Variants in DNAH6 observed in about 807,000 individuals in gnomAD.
DNAH6 encodes the protein axonemal beta dynein heavy chain 6.
Under a neutral mutation model 491.4 loss-of-function variants are expected in DNAH6, and 340 were observed. The observed-to-expected ratio is 0.69, with a 90% CI of 0.63 to 0.76. The LOEUF (loss-of-function observed/expected upper bound fraction) is 0.76. DNAH6 is among the 30% of genes least tolerant of loss of function. The pLI, the probability that DNAH6 is intolerant of heterozygous loss-of-function variation, is 0.00. For synonymous variants in DNAH6, 1,603 were observed against 1,686.1 expected, an observed-to-expected ratio of 0.95 and a Z score of 1.21; for missense variants, 4,443 against 4,972.2, an observed-to-expected ratio of 0.89 and a Z score of 3.20.
chr2:84,643,834 G>A (rs1038233249), intron 33 of DNAH6, among the ~76,000 whole-genome samples: 2 of 151,574 alleles, frequency 1.3e-5, no homozygotes, highest in African/African-American at 4.9e-5. Context: ...CTAAATCCCT[G>A]TCTGATAATT....
At chr2:84,731,321 T>C (rs1164154325) in intron 61 of DNAH6, among the ~76,000 whole-genome samples, 1 of 152,234 alleles carries the variant, frequency 6.6e-6, no homozygotes, top group Non-Finnish European at 1.5e-5. Flanking sequence ...CTGCTGAAGA[T>C]AAGTCCCAGT....
Position 84,694,418 on chromosome 2 carries a change from A to G in DNAH6, c.7462A>G (p.Lys2488Glu). The G allele has an allele frequency of 6.4e-7, 1 of 1,552,258 alleles. No individual in the cohort carries two copies. The highest frequency in any genetic ancestry group is 8.7e-7 in the Non-Finnish European group (1 of 1,147,120). Residue 2488 changes from lysine (K) to glutamate (E), a missense_variant, in exon 46 of 77, where the codon AAG becomes GAG. Lys to Glu is a moderately conservative substitution (Grantham distance 56). Transcript: ENST00000389394. ...NYDSFHEDLR[K>E]LYKMAGVEDK... Reference sequence around the variant, plus strand: ...TGATAGTTTTCATGAAGACCTGAGGAAGTTGTACAAAATGGCTGGTGTAGA... The same window carrying G: ...TGATAGTTTTCATGAAGACCTGAGGGAGTTGTACAAAATGGCTGGTGTAGA...
At chr2:84,747,799 A>G (rs888290290) in intron 63 of DNAH6, among the ~76,000 whole-genome samples, 1 of 152,076 alleles carries the variant, frequency 6.6e-6, no homozygotes, top group Admixed American at 6.6e-5. Context: ...ACATTTTTCC[A>G]ATATAAAATC....
chr2:84,713,902 G>T (rs1026369915), intron 57 of DNAH6, among the ~76,000 whole-genome samples: 1 of 152,110 alleles, frequency 6.6e-6, no homozygotes, highest in African/African-American at 2.4e-5. Context: ...TCTTTGAGTG[G>T]AGCTGTGTGA....
At chr2:84,725,913 T>G (rs1698579928) in intron 60 of DNAH6, among the ~76,000 whole-genome samples, 1 of 152,240 alleles carries the variant, frequency 6.6e-6, no homozygotes, top group Non-Finnish European at 1.5e-5. Flanking sequence ...TCTTTTCTCC[T>G]GAGTGTGTTA....
At position 84,640,439 on chromosome 2, in the gene DNAH6, T is replaced by C; in HGVS notation, c.4831T>C (p.Tyr1611His). The change falls in exon 32 of 77, where the codon TAT becomes CAT. Residue 1611 changes from tyrosine (Y) to histidine (H), a missense_variant. Transcript: ENST00000389394. ...ATTTTTTCTATTCTAGGTAATTCTA[T>C]ATTCTGAAGGATTTGAATCCAGTAA... The part of the protein sequence containing the change: ...NYALIAEVIL[Y>H]SEGFESSKIL... 2 of 1,495,464 alleles carry C rather than the reference T, an allele frequency of 1.3e-6. No individual in the cohort carries two copies. Among genetic ancestry groups the C allele is most frequent in the Non-Finnish European group, 1.8e-6 (2 of 1,096,600 alleles). 92.6% of individuals were successfully genotyped at this position (1,495,464 alleles called of 1,614,324 possible).
At chr2:84,493,771 A>C in the DNAH6 span, among the ~76,000 whole-genome samples, 1 of 152,234 alleles carries the variant, frequency 6.6e-6, no homozygotes, top group African/African-American at 2.4e-5. Context: ...AGGCTGGGAC[A>C]TCCTTGGTAG....
intron 63 of DNAH6, among the ~76,000 whole-genome samples, chr2:84,745,898 AC>A (rs1243059964): frequency 1.3e-5 from 2 of 152,144 alleles, no homozygotes; most frequent in Non-Finnish European, 2.9e-5. Flanking sequence ...TTTGAAGGGT[AC>A]AAAGCCATAG....
At position 84,707,670 on chromosome 2, in the gene DNAH6, C is replaced by T; in HGVS notation, c.9002C>T (p.Ala3001Val). The T allele has an allele frequency of 6.4e-7, 1 of 1,552,328 alleles. No individual in the cohort carries two copies. The highest frequency in any genetic ancestry group is 8.7e-7 in the Non-Finnish European group (1 of 1,147,116). The change falls in exon 54 of 77, where the codon GCT becomes GTT. Residue 3001 changes from alanine (A) to valine (V), a missense_variant. This residue lies in a region of DNAH6 where 1,463 missense variants were observed against 1,656.6 expected (regional missense o/e 0.88). Coordinates refer to ENST00000389394, the MANE Select transcript of DNAH6 (RefSeq NM_001370.2). ...ACTGGGAACGTGTTCATAGCAGCAG[C>T]TTGTGTGGCCTACTATGGGGCTTTC... The part of the protein sequence containing the change: ...NITGNVFIAA[A>V]CVAYYGAFTA...
At chr2:84,788,790 C>T (rs1677468541) in intron 68 of DNAH6, among the ~76,000 whole-genome samples, 2 of 152,156 alleles carry the variant, frequency 1.3e-5, no homozygotes, top group African/African-American at 2.4e-5. Context: ...CAAAAAGTTG[C>T]GCTGAAGAAA....
At chr2:84,554,742 G>A (rs1029105164) in intron 10 of DNAH6, among the ~76,000 whole-genome samples, 5 of 152,234 alleles carry the variant, frequency 3.3e-5, no homozygotes, top group Admixed American at 2.0e-4. Context: ...TCGCTTAGGA[G>A]CTCTCATGCC....
intron 21 of DNAH6, among the ~76,000 whole-genome samples, chr2:84,608,029 C>G (rs180818579): frequency 6.6e-6 from 1 of 152,294 alleles, no homozygotes; most frequent in East Asian, 1.9e-4. Flanking sequence ...GTCATTTCAA[C>G]AATGTTTATA....
At chr2:84,619,329 A>G (rs1008249613) in intron 23 of DNAH6, among the ~76,000 whole-genome samples, 1 of 152,242 alleles carries the variant, frequency 6.6e-6, no homozygotes, top group Non-Finnish European at 1.5e-5. Context: ...ATACTAGGCT[A>G]CATTTTAGGG....
intron 35 of DNAH6, among the ~76,000 whole-genome samples, chr2:84,655,318 A>G (rs1690848570): frequency 6.6e-6 from 1 of 152,072 alleles, no homozygotes; most frequent in African/African-American, 2.4e-5. Context: ...ATTCCACCCA[A>G]AGTGAAGGAA....
chr2:84,534,577 G>GT (rs201327371), intron 4 of DNAH6, among the ~76,000 whole-genome samples: 274 of 151,114 alleles, frequency 1.8e-3, no homozygotes, highest in Admixed American at 4.2e-3. Flanking sequence ...TCCTTGTTCA[G>GT]TTTTTTTTTA....
intron 8 of DNAH6, among the ~76,000 whole-genome samples, chr2:84,549,226 C>G (rs1679087603): frequency 6.6e-6 from 1 of 152,178 alleles, no homozygotes; most frequent in African/African-American, 2.4e-5. Flanking sequence ...CTTAATCCAA[C>G]TTTTGCAATT....
In DNAH6 at chr2:84,641,933, T is replaced by C. The variant is rs1345594586; in HGVS notation, c.4971-14T>C. The C allele has an allele frequency of 2.0e-6, 3 of 1,537,766 alleles. No individual in the cohort carries two copies. The Admixed American group carries it at 5.9e-5, about 30-fold the overall frequency. ...GTTCTTGTGATATTATCCGAAATAT[T>C]CCTTTAAATTTAGATCTTTAAAAAG... is the stretch of plus-strand genomic sequence containing the variant. On this transcript the variant is annotated splice_polypyrimidine_tract_variant and intron_variant, in intron 32 of 76. Coordinates refer to ENST00000389394, the MANE Select transcript of DNAH6 (RefSeq NM_001370.2).
chr2:84,626,783 G>A (rs1687906104), intron 29 of DNAH6, among the ~76,000 whole-genome samples: 7 of 151,994 alleles, frequency 4.6e-5, no homozygotes, highest in Admixed American at 4.6e-4. Flanking sequence ...TGTATTTTTA[G>A]CGGAGATGGG....
chr2:84,653,766 T>C lies in DNAH6; in HGVS notation c.5526T>C (p.Asp1842=). 6.4e-7 allele frequency: 1 copy of C among 1,551,426 alleles called. No homozygotes were observed. Among genetic ancestry groups the C allele is most frequent in the Non-Finnish European group, 8.7e-7 (1 of 1,146,712 alleles). ...HKWIISDGPV[D]ALWIENMNTV... Reference sequence around the variant, plus strand: ...GGATCATCAGTGATGGGCCAGTAGATGCTCTTTGGATTGAAAACATGAATA... The same window carrying C: ...GGATCATCAGTGATGGGCCAGTAGACGCTCTTTGGATTGAAAACATGAATA... The change falls in exon 34 of 77, where the codon GAT becomes GAC. Residue 1842 remains aspartate (D), a synonymous_variant. Coordinates refer to ENST00000389394, the MANE Select transcript of DNAH6 (RefSeq NM_001370.2).
Sources: allele counts gnomAD v4.1 joint callset (sites outside exome capture counted in the v4.1 genomes callset), GRCh38; gene constraint gnomAD v4.1.1; regional missense constraint gnomAD v4.1.1; transcripts MANE v1.5; gene names NCBI Gene and HGNC (gene_info 2026-07-23, HGNC 2026-07-21).